CDH18: variants seen among roughly 807,000 people sequenced by gnomAD.
The protein encoded by CDH18 is cadherin 18.
Under a neutral mutation model 67.9 loss-of-function variants are expected in CDH18, and 31 were observed. That is an observed-to-expected ratio of 0.46 (90% CI 0.34 to 0.62). The LOEUF is 0.62. Ranked by LOEUF, CDH18 falls within the 20% of genes least tolerant of loss-of-function variation. CDH18 has a pLI of 0.01. For missense variants in CDH18, 890 were observed against 975.5 expected (o/e 0.91, Z 1.17); for synonymous variants, 362 against 347.2 (o/e 1.04, Z -0.48).
At chr5:20,304,168 A>G (rs1483391212) in intron 1 of CDH18, 2 of 1,537,672 alleles carry the variant, frequency 1.3e-6, no homozygotes, top group Non-Finnish European at 1.8e-6. Context: ...GATTTGGAAC[A>G]CAGACAATAA....
At chr5:20,287,679 T>C (rs1419160407) in intron 1 of CDH18, among the ~76,000 whole-genome samples, 1 of 151,760 alleles carries the variant, frequency 6.6e-6, no homozygotes, top group Non-Finnish European at 1.5e-5. Flanking sequence ...ATAACAATAA[T>C]AGAAACAATA....
intron 5 of CDH18, among the ~76,000 whole-genome samples, chr5:19,706,506 C>T (rs1348552811): frequency 1.3e-5 from 2 of 152,306 alleles, no homozygotes; most frequent in East Asian, 3.9e-4. Context: ...ACCTAATTCT[C>T]TTTGGCAAAT....
chr5:20,091,206 C>A (rs1745388201), intron 2 of CDH18, among the ~76,000 whole-genome samples: 1 of 152,064 alleles, frequency 6.6e-6, no homozygotes, highest in Admixed American at 6.6e-5. Context: ...CATTTTAAGG[C>A]CAGGCACAGT....
intron 1 of CDH18, among the ~76,000 whole-genome samples, chr5:20,448,197 C>T (rs981329223): frequency 6.6e-6 from 1 of 151,796 alleles, no homozygotes; most frequent in Non-Finnish European, 1.5e-5. Context: ...ATGGTTTCCA[C>T]CTTCATCCAT....
intron 2 of CDH18, among the ~76,000 whole-genome samples, chr5:20,141,477 G>A (rs976839891): frequency 2.0e-5 from 3 of 152,116 alleles, no homozygotes; most frequent in Admixed American, 6.6e-5. Flanking sequence ...AACTAAGACA[G>A]GTGAAAGAAT....
intron 2 of CDH18, among the ~76,000 whole-genome samples, chr5:20,009,057 T>TTAA (rs1456447415): frequency 6.6e-6 from 1 of 152,128 alleles, no homozygotes; most frequent in Non-Finnish European, 1.5e-5. Context: ...GTGAGCTTGG[T>TTAA]TAATGGCAGT....
At chr5:20,405,810 C>T (rs150200029) in intron 1 of CDH18, among the ~76,000 whole-genome samples, 71,001 of 152,022 alleles carry the variant, frequency 0.47, 18,321 homozygotes, top group Middle Eastern at 0.61. Flanking sequence ...GACATTTATG[C>T]AGCCAAAAGA....
intron 2 of CDH18, among the ~76,000 whole-genome samples, chr5:20,201,888 A>G (rs769816280): frequency 5.9e-5 from 9 of 152,204 alleles, no homozygotes; most frequent in Non-Finnish European, 1.2e-4. Flanking sequence ...AATATCTGCG[A>G]AAGCAGTCAT....
chr5:20,560,188 G>A (rs969612055), intron 1 of CDH18, among the ~76,000 whole-genome samples: 4 of 151,946 alleles, frequency 2.6e-5, no homozygotes, highest in Non-Finnish European at 5.9e-5. Flanking sequence ...TATTTGACAG[G>A]GATAATTTTT....
At chr5:19,754,460 T>A (rs1771263976) in intron 3 of CDH18, among the ~76,000 whole-genome samples, 2 of 152,034 alleles carry the variant, frequency 1.3e-5, no homozygotes, top group African/African-American at 4.8e-5. Flanking sequence ...AACAGGAAAA[T>A]ATCACAATCT....
chr5:20,166,547 C>G (rs548547413), intron 2 of CDH18, among the ~76,000 whole-genome samples: 1 of 152,002 alleles, frequency 6.6e-6, no homozygotes, highest in African/African-American at 2.4e-5. Flanking sequence ...AACTGGTTCT[C>G]AAATATTAGC....
intron 5 of CDH18, among the ~76,000 whole-genome samples, chr5:19,616,785 G>A (rs1317244460): frequency 6.6e-6 from 1 of 152,122 alleles, no homozygotes; most frequent in Non-Finnish European, 1.5e-5. Flanking sequence ...ACTTCCAGAA[G>A]CTAGAAAGTC....
At chr5:19,623,289 T>C (rs1257959508) in intron 5 of CDH18, among the ~76,000 whole-genome samples, 2 of 152,214 alleles carry the variant, frequency 1.3e-5, no homozygotes, top group Non-Finnish European at 2.9e-5. Flanking sequence ...AATTAATGAA[T>C]AGTTATAAAG....
At chr5:20,164,623 T>C (rs970381097) in intron 2 of CDH18, among the ~76,000 whole-genome samples, 2 of 152,182 alleles carry the variant, frequency 1.3e-5, no homozygotes, top group Non-Finnish European at 2.9e-5. Context: ...CATCTTCTGG[T>C]ATCAGTTCTG....
chr5:20,504,609 A>G (rs1309018072), intron 1 of CDH18, among the ~76,000 whole-genome samples: 1 of 152,168 alleles, frequency 6.6e-6, no homozygotes, highest in Non-Finnish European at 1.5e-5. Context: ...TTAGTATGAT[A>G]GCAATATTTT....
intron 5 of CDH18, among the ~76,000 whole-genome samples, chr5:19,618,676 C>T (rs182128558): frequency 1.1e-3 from 163 of 152,266 alleles, no homozygotes; most frequent in African/African-American, 3.7e-3. Flanking sequence ...CTCACATCTT[C>T]GACCTACTGA....
At chr5:19,725,652 C>G (rs1766744790) in intron 4 of CDH18, among the ~76,000 whole-genome samples, 1 of 152,038 alleles carries the variant, frequency 6.6e-6, no homozygotes, top group Non-Finnish European at 1.5e-5. Context: ...GCCTGTAATC[C>G]CAGCTACTTG....
rs1435851015 is a variant in CDH18, at chr5:20,501,548, A to T, written c.-580+73914T>A. ...ATATTATATATATTATATACATATTATATATATAATATATATATATAATAT... is the reference window on the plus strand; with the variant it reads ...ATATTATATATATTATATACATATTTTATATATAATATATATATATAATAT... On this transcript the variant is annotated intron_variant, in intron 1 of 14. Coordinates refer to the CDH18 transcript ENST00000507958. 8.2e-3 allele frequency among the ~76,000 whole-genome samples: 158 copies of T among 19,182 alleles called. 4 individuals carry two copies. The highest frequency in any genetic ancestry group is 0.023 in the African/African-American group (145 of 6,190). 12.6% of individuals were successfully genotyped at this position (19,182 alleles called of 152,430 possible).
intron 1 of CDH18, among the ~76,000 whole-genome samples, chr5:19,982,573 C>T (rs1325617620): frequency 1.3e-5 from 2 of 151,690 alleles, no homozygotes; most frequent in African/African-American, 2.4e-5. Context: ...TAATTATTTC[C>T]TAATTTATTC....
Sources: allele counts gnomAD v4.1 joint callset (sites outside exome capture counted in the v4.1 genomes callset), GRCh38; gene constraint gnomAD v4.1.1; transcripts MANE v1.5; gene names NCBI Gene and HGNC (gene_info 2026-07-23, HGNC 2026-07-21).